Variants in RALYL observed in about 807,000 individuals in gnomAD.
RALYL encodes the protein RNA-binding Raly-like protein.
In RALYL, 29 loss-of-function variants were observed where a neutral mutation model predicts 35.1. The ratio of observed to expected loss-of-function variants is 0.83; its 90% CI spans 0.61 to 1.13. RALYL has a LOEUF of 1.13. RALYL is among the 50% of genes most tolerant of loss of function. The pLI is 0.00. For synonymous variants in RALYL, 120 were observed against 127.6 expected (o/e 0.94, Z 0.40); for missense variants, 359 against 360.4 (o/e 1.00, Z 0.03).
chr8:84,267,586 C>A (rs1833569512), intron 1 of RALYL, among the ~76,000 whole-genome samples: 1 of 152,148 alleles, frequency 6.6e-6, no homozygotes, highest in Non-Finnish European at 1.5e-5. Context: ...GCCTATGTTA[C>A]GCCATGTCTT....
intron 1 of RALYL, among the ~76,000 whole-genome samples, chr8:84,370,459 T>C (rs1855460000): frequency 6.6e-6 from 1 of 151,618 alleles, no homozygotes; most frequent in Non-Finnish European, 1.5e-5. Context: ...CACACACATA[T>C]ACACAACCAT....
chr8:84,625,069 T>C (rs1386902470), intron 2 of RALYL, among the ~76,000 whole-genome samples: 1 of 152,182 alleles, frequency 6.6e-6, no homozygotes, highest in African/African-American at 2.4e-5. Context: ...CATAGTGTCC[T>C]TTTCAAAATA....
intron 2 of RALYL, among the ~76,000 whole-genome samples, chr8:84,713,154 ATTTC>A (rs1236742586): frequency 3.9e-5 from 6 of 151,930 alleles, no homozygotes; most frequent in African/African-American, 1.4e-4. Flanking sequence ...TAGAGATCAA[ATTTC>A]TTTCTTGTTT....
intron 2 of RALYL, among the ~76,000 whole-genome samples, chr8:84,595,763 G>GTT (rs35714907): frequency 0.03 from 3,650 of 120,128 alleles, 106 homozygotes; most frequent in African/African-American, 0.064. Flanking sequence ...AAAACCATAA[G>GTT]TTTTTTTTTT....
At chr8:84,749,157 T>C (rs1412406306) in intron 2 of RALYL, among the ~76,000 whole-genome samples, 1 of 152,142 alleles carries the variant, frequency 6.6e-6, no homozygotes, top group Non-Finnish European at 1.5e-5. Context: ...GACACAGGAA[T>C]CCTTTGATGA....
Position 84,627,984 on chromosome 8 carries a change from G to A in RALYL, c.256+98407G>A, listed in dbSNP as rs554481909. The stretch of plus-strand genomic sequence containing the variant: ...ATATTAGACTCCTGATTGCTGTTTC[G>A]TCTTTCTCTTTTGCCGTCTTTCAAT... On this transcript the variant is annotated intron_variant, in intron 2 of 8. Coordinates refer to ENST00000521268, the MANE Select transcript of RALYL (RefSeq NM_173848.7). Among the ~76,000 whole-genome samples the A allele has an allele frequency of 3.8e-4, 57 of 151,942 alleles. No homozygotes were observed. The South Asian group carries it at 4.8e-3, about 13-fold the overall frequency.
chr8:84,280,348 C>T (rs1359085248), intron 1 of RALYL, among the ~76,000 whole-genome samples: 3 of 151,768 alleles, frequency 2.0e-5, no homozygotes, highest in African/African-American at 7.3e-5. Context: ...ACCAAAATTT[C>T]TACATGGAAA....
chr8:84,352,596 A>T (rs572292216), intron 1 of RALYL, among the ~76,000 whole-genome samples: 3 of 150,526 alleles, frequency 2.0e-5, no homozygotes, highest in African/African-American at 7.4e-5. Context: ...AGTCAGACTA[A>T]ATCTGGAATT....
chr8:84,252,494 A>G (rs975653639), intron 1 of RALYL, among the ~76,000 whole-genome samples: 1 of 152,174 alleles, frequency 6.6e-6, no homozygotes, highest in Non-Finnish European at 1.5e-5. Flanking sequence ...GGTAAAGTCT[A>G]TAGCATGATG....
chr8:84,560,717 G>A (rs1588180902), intron 2 of RALYL, among the ~76,000 whole-genome samples: 1 of 152,078 alleles, frequency 6.6e-6, no homozygotes, highest in East Asian at 1.9e-4. Context: ...TTCAAGTGAA[G>A]AAGAGAGGAT....
intron 1 of RALYL, among the ~76,000 whole-genome samples, chr8:84,340,016 T>C (rs1213831204): frequency 6.6e-6 from 1 of 152,116 alleles, no homozygotes; most frequent in Non-Finnish European, 1.5e-5. Flanking sequence ...TGATAGTGAA[T>C]AATTCTCATG....
chr8:84,324,066 C>T (rs536314672), intron 1 of RALYL, among the ~76,000 whole-genome samples: 13 of 151,986 alleles, frequency 8.6e-5, no homozygotes, highest in South Asian at 8.3e-4. Context: ...AAAGTATGCA[C>T]GTGTGTGTTT....
At chr8:84,787,641 G>A (rs1289630344) in intron 3 of RALYL, among the ~76,000 whole-genome samples, 2 of 152,190 alleles carry the variant, frequency 1.3e-5, no homozygotes, top group African/African-American at 4.8e-5. Flanking sequence ...CCCACCAACA[G>A]TGTAAAAGTG....
chr8:84,201,838 A>G (rs560655204), intron 1 of RALYL, among the ~76,000 whole-genome samples: 2 of 152,272 alleles, frequency 1.3e-5, no homozygotes, highest in Admixed American at 1.3e-4. Flanking sequence ...AAGCACTGGT[A>G]TAAAAAGTGT....
chr8:84,289,557 C>A (rs1838353539), intron 1 of RALYL, among the ~76,000 whole-genome samples: 1 of 151,886 alleles, frequency 6.6e-6, no homozygotes, highest in Non-Finnish European at 1.5e-5. Context: ...TATTTATCTC[C>A]CACTAGTAGA....
At chr8:84,455,362 G>T (rs1472993902) in intron 1 of RALYL, among the ~76,000 whole-genome samples, 1 of 151,788 alleles carries the variant, frequency 6.6e-6, no homozygotes, top group African/African-American at 2.4e-5. Context: ...TTTTCCAAAA[G>T]GAAAAATGAG....
At chr8:84,384,945 C>T (rs1314876865) in intron 1 of RALYL, among the ~76,000 whole-genome samples, 1 of 151,704 alleles carries the variant, frequency 6.6e-6, no homozygotes, top group Non-Finnish European at 1.5e-5. Flanking sequence ...TAATACTACC[C>T]CAATTCTTGC....
chr8:84,786,516 C>T (rs1025696396), intron 3 of RALYL, among the ~76,000 whole-genome samples: 9 of 152,080 alleles, frequency 5.9e-5, no homozygotes, highest in African/African-American at 2.2e-4. Context: ...TTAATAACTG[C>T]CATTCTGACT....
At chr8:84,355,383 G>T (rs923815605) in intron 1 of RALYL, among the ~76,000 whole-genome samples, 1 of 150,424 alleles carries the variant, frequency 6.6e-6, no homozygotes, top group South Asian at 2.1e-4. Context: ...ATAACTTGTG[G>T]CTTTCCAAAT....
Sources: allele counts gnomAD v4.1 joint callset (sites outside exome capture counted in the v4.1 genomes callset), GRCh38; gene constraint gnomAD v4.1.1; transcripts MANE v1.5; gene names NCBI Gene and HGNC (gene_info 2026-07-23, HGNC 2026-07-21).